The following POT1 variants were observed in gnomAD, a reference collection of about 807,000 sequenced individuals.
POT1 encodes the protein protection of telomeres protein 1.
POT1 carries 47 observed loss-of-function variants against 78.5 expected under a neutral mutation model. The ratio of observed to expected loss-of-function variants is 0.60; its 90% CI spans 0.47 to 0.76. The LOEUF (loss-of-function observed/expected upper bound fraction) is 0.76, where lower values mean the gene tolerates loss of function less well. POT1 is among the 30% of genes least tolerant of loss of function. The pLI is 0.00. For synonymous variants in POT1, 259 were observed against 260.7 expected, an observed-to-expected ratio of 0.99 and a Z score of 0.06; for missense variants, 646 against 749.9, an observed-to-expected ratio of 0.86 and a Z score of 1.62.
At chr7:124,907,494 C>A (rs938629981) in intron 3 of POT1, among the ~76,000 whole-genome samples, 2 of 151,850 alleles carry the variant, frequency 1.3e-5, no homozygotes, top group African/African-American at 2.4e-5. Flanking sequence ...CTGGAGGTTG[C>A]CAGAAGTTAG....
rs2116483800 is a variant in POT1, at chr7:124,846,944, G to A, written c.1004C>T (p.Thr335Ile). 1 of 1,593,050 alleles carries A rather than the reference G, an allele frequency of 6.3e-7. No homozygotes were observed. The highest frequency in any genetic ancestry group is 8.6e-7 in the Non-Finnish European group (1 of 1,161,156). Residue 335 changes from threonine (T) to isoleucine (I), a missense_variant and splice_region_variant, in exon 12 of 19, where the codon ACA (threonine) becomes ATA (isoleucine). Thr to Ile is a moderately conservative substitution (Grantham distance 89, BLOSUM62 -1). Transcript: ENST00000357628. ...EVERCQQLSA[T>I]ILTDHQYLER... Reference sequence around the variant, plus strand: ...TCAAAAATGATACATAGTCTTACTTGTAGCAGATAGCTGTTGACATCTTTC... The same window carrying A: ...TCAAAAATGATACATAGTCTTACTTATAGCAGATAGCTGTTGACATCTTTC...
rs1055725223 is a variant in POT1, at chr7:124,835,217, A to G, written c.1505+62T>C. 12 of 1,580,390 alleles carry G rather than the reference A, an allele frequency of 7.6e-6. No individual in the cohort carries two copies. The African/African-American group carries it at 1.5e-4, about 20-fold the overall frequency. On this transcript the variant is annotated intron_variant, in intron 15 of 18. Coordinates refer to ENST00000357628, the MANE Select transcript of POT1 (RefSeq NM_015450.3). ...CGTAACAAACCTCCATGTTCAGCACATGACCCCAGAACTTAAAAGTATAAT... is the reference window on the plus strand; with the variant it reads ...CGTAACAAACCTCCATGTTCAGCACGTGACCCCAGAACTTAAAAGTATAAT...
chr7:124,925,199 T>C lies in POT1; in HGVS notation c.-227+3616A>G, dbSNP rs143514429. On this transcript the variant is annotated intron_variant, in intron 2 of 18. Coordinates refer to ENST00000357628, the MANE Select transcript of POT1 (RefSeq NM_015450.3). ...TCATAGTTGGCTAATGATATGATCT[T>C]GTATACAGAAAGCCCTCAAGACTCC... 7.0e-3 allele frequency among the ~76,000 whole-genome samples: 1,059 copies of C among 152,186 alleles called. 12 individuals are homozygous for C. The highest frequency in any genetic ancestry group is 0.025 in the African/African-American group (1,025 of 41,542).
chr7:124,890,077 C>T (rs1796333667), intron 6 of POT1, among the ~76,000 whole-genome samples: 1 of 151,894 alleles, frequency 6.6e-6, no homozygotes, highest in South Asian at 2.1e-4. Flanking sequence ...AGTATTTATT[C>T]TAGATGACAT....
rs114297177 is a variant in POT1 at position 124,825,223 on chromosome 7, T to G, written c.1792+29A>C. 2.0e-4 allele frequency: 278 copies of G among 1,421,350 alleles called. No homozygotes were observed. In the African/African-American group the frequency reaches 3.6e-3, roughly 18 times the overall value. The allele number at this position is 1,421,350 out of a possible 1,614,324, so 88.0% of individuals were successfully genotyped here. A position where few individuals can be genotyped will look rare whatever the true frequency, so the allele number is the denominator to read the frequency against. ...TTAGTGCTATCTCAAGTAAAAGAAG[T>G]GTGGGATTGTTAAAATATTCTTGCC... On this transcript the variant is annotated intron_variant, in intron 18 of 18. Transcript: ENST00000357628.
intron 15 of POT1, among the ~76,000 whole-genome samples, chr7:124,830,945 G>A (rs143001766): frequency 6.6e-6 from 1 of 152,098 alleles, no homozygotes; most frequent in Non-Finnish European, 1.5e-5. Flanking sequence ...ATGTATGTGC[G>A]CTCACACATG....
intron 11 of POT1, among the ~76,000 whole-genome samples, chr7:124,848,292 T>C (rs1445615294): frequency 6.6e-6 from 1 of 152,202 alleles, no homozygotes; most frequent in Non-Finnish European, 1.5e-5. Context: ...GCTAATTATG[T>C]TCATACCACA....
chr7:124,871,703 TAAAA>T (rs1795873780), intron 6 of POT1, among the ~76,000 whole-genome samples: 1 of 150,764 alleles, frequency 6.6e-6, no homozygotes, highest in African/African-American at 2.4e-5. Context: ...CTGGTGGTAG[TAAAA>T]ACTGTAATAG....
intron 2 of POT1, among the ~76,000 whole-genome samples, chr7:124,926,795 A>G (rs1351285873): frequency 1.3e-5 from 2 of 152,200 alleles, no homozygotes; most frequent in Non-Finnish European, 2.9e-5. Flanking sequence ...AGAAATGGAG[A>G]CCATTATCTT....
chr7:124,900,833 G>C (rs769190320), intron 3 of POT1: 49 of 395,032 alleles, frequency 1.2e-4, no homozygotes, highest in Non-Finnish European at 2.3e-4. Flanking sequence ...TTAGCAAACT[G>C]CACACCAGGA....
chr7:124,909,283 G>A (rs534327100), intron 3 of POT1, among the ~76,000 whole-genome samples: 6 of 151,956 alleles, frequency 3.9e-5, no homozygotes, highest in Admixed American at 1.3e-4. Flanking sequence ...TACAGCTTGT[G>A]TATTTCTGCA....
chr7:124,859,347 A>C (rs1795528132), intron 8 of POT1, among the ~76,000 whole-genome samples: 1 of 152,220 alleles, frequency 6.6e-6, no homozygotes, highest in Non-Finnish European at 1.5e-5. Context: ...ATAAGCTCAG[A>C]CTAAATATTC....
At chr7:124,838,537 A>C (rs1213584658) in intron 14 of POT1, among the ~76,000 whole-genome samples, 1 of 152,208 alleles carries the variant, frequency 6.6e-6, no homozygotes, top group Non-Finnish European at 1.5e-5. Context: ...ATAGAAAGAT[A>C]GTCCATGTTC....
At chr7:124,893,664 A>G (rs948578034) in intron 5 of POT1, among the ~76,000 whole-genome samples, 4 of 151,562 alleles carry the variant, frequency 2.6e-5, no homozygotes, top group Non-Finnish European at 4.4e-5. Context: ...CACATTCATC[A>G]TACTAACTCC....
intron 3 of POT1, among the ~76,000 whole-genome samples, chr7:124,908,377 C>A (rs1176210406): frequency 4.0e-5 from 6 of 151,840 alleles, no homozygotes; most frequent in Non-Finnish European, 7.4e-5. Context: ...CATTAAAAAC[C>A]AAAATTCTTA....
chr7:124,828,196 C>A (rs1794677550), intron 16 of POT1, among the ~76,000 whole-genome samples: 1 of 152,022 alleles, frequency 6.6e-6, no homozygotes, highest in Admixed American at 6.6e-5. Context: ...ACCGTTTTAG[C>A]ATGCCTCTCT....
chr7:124,852,589 C>A (rs555238410), intron 10 of POT1, among the ~76,000 whole-genome samples: 8 of 152,018 alleles, frequency 5.3e-5, no homozygotes, highest in Non-Finnish European at 1.0e-4. Flanking sequence ...TAATCAGTGG[C>A]ACTTCAGAAA....
At chr7:124,928,273 C>G (rs1389798163) in intron 2 of POT1, among the ~76,000 whole-genome samples, 1 of 152,144 alleles carries the variant, frequency 6.6e-6, no homozygotes, top group Non-Finnish European at 1.5e-5. Context: ...TACCTAGGAG[C>G]AAAGTTTTTT....
Position 124,823,803 on chromosome 7 carries a change from C to T in POT1, c.*159G>A, listed in dbSNP as rs1476212220. 4 of 593,480 alleles carry T rather than the reference C, an allele frequency of 6.7e-6. No individual in the cohort carries two copies. The highest frequency in any genetic ancestry group is 1.2e-5 in the Non-Finnish European group (4 of 336,320). The allele number at this position is 593,480 out of a possible 1,614,324, so 36.8% of individuals were successfully genotyped here. On this transcript the variant is annotated 3_prime_UTR_variant, in exon 19 of 19. Coordinates refer to ENST00000357628, the MANE Select transcript of POT1 (RefSeq NM_015450.3). ...ATCCATAGCCATTATTTACCTTGCA[C>T]CCAGTAAAAGCCAAGAGATTTAAGG...
Sources: allele counts gnomAD v4.1 joint callset (sites outside exome capture counted in the v4.1 genomes callset), GRCh38; gene constraint gnomAD v4.1.1; transcripts MANE v1.5; gene names NCBI Gene and HGNC (gene_info 2026-07-23, HGNC 2026-07-21).